The following SMYD3 variants were observed in gnomAD, a reference collection of about 807,000 sequenced individuals.
SMYD3 encodes the protein histone-lysine N-methyltransferase SMYD3.
In SMYD3, 36 loss-of-function variants were observed where a neutral mutation model predicts 57.7. That is an observed-to-expected ratio of 0.62 (90% CI 0.48 to 0.82). The LOEUF (loss-of-function observed/expected upper bound fraction) is 0.82. SMYD3 is among the 40% of genes least tolerant of loss of function. The pLI is 0.00. For synonymous variants in SMYD3, 211 were observed against 195.0 expected (o/e 1.08, Z -0.68); for missense variants, 515 against 538.8 (o/e 0.96, Z 0.44).
intron 10 of SMYD3, among the ~76,000 whole-genome samples, chr1:245,845,439 T>C (rs1005866190): frequency 5.3e-5 from 8 of 152,220 alleles, no homozygotes; most frequent in Non-Finnish European, 1.0e-4. Flanking sequence ...TATTACTTAA[T>C]GCCTGTAGCC....
intron 1 of SMYD3, among the ~76,000 whole-genome samples, chr1:246,490,977 CAT>C (rs34881300): frequency 0.39 from 59,126 of 151,936 alleles, 13,091 homozygotes; most frequent in East Asian, 0.63. Flanking sequence ...AATACTTCCA[CAT>C]GTTTTATCTC....
At chr1:245,775,352 G>A in intron 10 of SMYD3, among the ~76,000 whole-genome samples, 1 of 152,186 alleles carries the variant, frequency 6.6e-6, no homozygotes, top group Middle Eastern at 3.2e-3. Flanking sequence ...GGAGACTCCA[G>A]TTTGTTCTGT....
chr1:246,447,812 A>G (rs2067571274), intron 1 of SMYD3, among the ~76,000 whole-genome samples: 1 of 152,158 alleles, frequency 6.6e-6, no homozygotes, highest in South Asian at 2.1e-4. Context: ...CTACTGTTTC[A>G]CTTCCAGCTT....
chr1:246,462,177 CGCCTGCTGGGT>C (rs2067808097), intron 1 of SMYD3, among the ~76,000 whole-genome samples: 1 of 149,262 alleles, frequency 6.7e-6, no homozygotes, highest in Non-Finnish European at 1.5e-5. Flanking sequence ...AAGAAGAATT[CGCCTGCTGGGT>C]ACAGTGCATC....
chr1:245,905,534 ACAG>A (rs2054502761), intron 8 of SMYD3, among the ~76,000 whole-genome samples: 1 of 152,212 alleles, frequency 6.6e-6, no homozygotes, highest in African/African-American at 2.4e-5. Context: ...ATTGAGTCTT[ACAG>A]TTTTAGTGCC....
intron 5 of SMYD3, among the ~76,000 whole-genome samples, chr1:246,070,706 T>C (rs999634414): frequency 3.9e-5 from 6 of 152,172 alleles, no homozygotes; most frequent in African/African-American, 1.4e-4. Context: ...GTGTTTACGT[T>C]CACCTAAGCA....
intron 10 of SMYD3, among the ~76,000 whole-genome samples, chr1:245,775,178 G>A (rs1259514794): frequency 1.3e-5 from 2 of 152,156 alleles, no homozygotes; most frequent in Non-Finnish European, 1.5e-5. Context: ...AAGAGGTGGG[G>A]GACACCCCCA....
At chr1:246,345,239 T>A (rs1039664595) in intron 2 of SMYD3, among the ~76,000 whole-genome samples, 3 of 152,356 alleles carry the variant, frequency 2.0e-5, no homozygotes, top group Middle Eastern at 3.4e-3. Flanking sequence ...TCTTATTAAA[T>A]CTAGTGAAGA....
chr1:246,362,795 G>C (rs1175957032), intron 1 of SMYD3, among the ~76,000 whole-genome samples: 1 of 152,214 alleles, frequency 6.6e-6, no homozygotes, highest in African/African-American at 2.4e-5. Context: ...GTGCAGTGGC[G>C]TGATCTCGGC....
intron 1 of SMYD3, among the ~76,000 whole-genome samples, chr1:246,436,200 A>AC (rs2067370992): frequency 6.6e-6 from 1 of 151,710 alleles, no homozygotes; most frequent in Non-Finnish European, 1.5e-5. Flanking sequence ...GAAAAAAAAA[A>AC]AAACTATACA....
intron 5 of SMYD3, among the ~76,000 whole-genome samples, chr1:246,046,237 A>G (rs1194767176): frequency 6.6e-6 from 1 of 152,214 alleles, no homozygotes; most frequent in Non-Finnish European, 1.5e-5. Flanking sequence ...AATGTCCATC[A>G]ATGATAGACT....
chr1:246,085,768 A>C, intron 5 of SMYD3, among the ~76,000 whole-genome samples: 1 of 152,246 alleles, frequency 6.6e-6, no homozygotes, highest in East Asian at 1.9e-4. Context: ...ATTTCTAATA[A>C]AATAAATTTT....
intron 5 of SMYD3, among the ~76,000 whole-genome samples, chr1:246,262,147 G>C (rs1238608253): frequency 6.6e-6 from 1 of 152,158 alleles, no homozygotes; most frequent in African/African-American, 2.4e-5. Context: ...AATTAAATTT[G>C]AGTGCAGATG....
At chr1:246,422,069 T>C (rs181943137) in intron 1 of SMYD3, among the ~76,000 whole-genome samples, 1 of 152,166 alleles carries the variant, frequency 6.6e-6, no homozygotes, top group Admixed American at 6.5e-5. Flanking sequence ...CAGTTAACCA[T>C]CACAAGTAAG....
chr1:246,413,581 G>C (rs1264947312), intron 1 of SMYD3, among the ~76,000 whole-genome samples: 1 of 152,086 alleles, frequency 6.6e-6, no homozygotes, highest in Non-Finnish European at 1.5e-5. Context: ...GGGTCATGGG[G>C]GAGGATCTCT....
intron 5 of SMYD3, among the ~76,000 whole-genome samples, chr1:246,088,035 G>A (rs1183842147): frequency 2.0e-5 from 3 of 152,054 alleles, no homozygotes; most frequent in Admixed American, 6.5e-5. Flanking sequence ...TAGAATAAAT[G>A]AGATGCTCTT....
intron 1 of SMYD3, among the ~76,000 whole-genome samples, chr1:246,358,575 T>C (rs915453974): frequency 1.3e-5 from 2 of 152,018 alleles, no homozygotes; most frequent in Non-Finnish European, 2.9e-5. Context: ...ACAAAACAAG[T>C]CTCAGTAAAT....
At chr1:245,878,462 T>C (rs2052607995) in intron 8 of SMYD3, among the ~76,000 whole-genome samples, 1 of 152,110 alleles carries the variant, frequency 6.6e-6, no homozygotes, top group African/African-American at 2.4e-5. Context: ...GAGGTCCCCA[T>C]TTCCTCTAAC....
intron 7 of SMYD3, among the ~76,000 whole-genome samples, chr1:245,926,813 T>C (rs908193476): frequency 6.6e-6 from 1 of 152,166 alleles, no homozygotes; most frequent in African/African-American, 2.4e-5. Context: ...TTGCTGAAAA[T>C]AGATAGCGGT....
Sources: allele counts gnomAD v4.1 joint callset (sites outside exome capture counted in the v4.1 genomes callset), GRCh38; gene constraint gnomAD v4.1.1; transcripts MANE v1.5; gene names NCBI Gene and HGNC (gene_info 2026-07-23, HGNC 2026-07-21).